The following ERCC6L2 variants were observed in gnomAD, a reference collection of about 807,000 sequenced individuals.
The protein encoded by ERCC6L2 is ERCC excision repair 6 like 2, also known as DNA excision repair protein ERCC-6-like 2.
Under a neutral mutation model 132.0 loss-of-function variants are expected in ERCC6L2, and 77 were observed. The observed-to-expected ratio is 0.58, with a 90% CI of 0.49 to 0.71. The LOEUF is 0.71. ERCC6L2 is among the 30% of genes least tolerant of loss of function. ERCC6L2 has a pLI of 0.00. For synonymous variants in ERCC6L2, 583 were observed against 632.4 expected, an observed-to-expected ratio of 0.92 and a Z score of 1.17; for missense variants, 1,542 against 1,837.6, an observed-to-expected ratio of 0.84 and a Z score of 2.94.
rs1834099533 is a variant in ERCC6L2 at position 96,013,280 on chromosome 9, A to G, written c.*77A>G. The G allele has an allele frequency of 3.4e-6, 4 of 1,168,274 alleles. No individual in the cohort carries two copies. The highest frequency in any genetic ancestry group is 3.2e-4 in the Middle Eastern group (1 of 3,080). 72.4% of individuals were successfully genotyped at this position (1,168,274 alleles called of 1,614,324 possible). A position where few individuals can be genotyped will look rare whatever the true frequency, so the allele number is the denominator to read the frequency against. ...CACTGGATTCCACACTGATTCTATT[A>G]TCTTGAACACAGTTGTTGACATATA... On this transcript the variant is annotated 3_prime_UTR_variant, in exon 19 of 19. Coordinates refer to ENST00000653738, the MANE Select transcript of ERCC6L2 (RefSeq NM_020207.7).
chr9:95,914,846 G>A (rs1246433107), intron 4 of ERCC6L2, among the ~76,000 whole-genome samples: 1 of 151,910 alleles, frequency 6.6e-6, no homozygotes, highest in East Asian at 1.9e-4. Flanking sequence ...TAAGAAATAC[G>A]TGCCTAATCC....
intron 16 of ERCC6L2, among the ~76,000 whole-genome samples, chr9:95,973,517 A>G (rs895593774): frequency 1.3e-5 from 2 of 152,158 alleles, no homozygotes; most frequent in African/African-American, 4.8e-5. Context: ...CCTCACAATC[A>G]TGGCGGAAGG....
chr9:96,015,026 T>G lies in ERCC6L2; in HGVS notation c.*1823T>G, dbSNP rs1461895138. Among the ~76,000 whole-genome samples the G allele has an allele frequency of 5.5e-5, 7 of 128,438 alleles. No individual in the cohort carries two copies. In the East Asian group the frequency reaches 1.1e-3, roughly 20 times the overall value. 84.3% of individuals were successfully genotyped at this position (128,438 alleles called of 152,430 possible). On this transcript the variant is annotated 3_prime_UTR_variant, in exon 19 of 19. Coordinates refer to ENST00000653738, the MANE Select transcript of ERCC6L2 (RefSeq NM_020207.7). ...TTCATATATGTACAGTTTTTTTTTTTTTTTTTTTTTTTTTGAGATTGAGTC... is the reference window on the plus strand; with the variant it reads ...TTCATATATGTACAGTTTTTTTTTTGTTTTTTTTTTTTTTGAGATTGAGTC...
chr9:95,950,958 G>A (rs1831303126), intron 12 of ERCC6L2, among the ~76,000 whole-genome samples: 1 of 152,140 alleles, frequency 6.6e-6, no homozygotes, highest in East Asian at 1.9e-4. Flanking sequence ...GATTTGAACA[G>A]CAATATAGAC....
At chr9:95,970,751 TAAAAA>T (rs113625132) in intron 15 of ERCC6L2, 95 bp downstream of exon 15, 1 of 715,670 alleles carries the variant, frequency 1.4e-6, no homozygotes, top group Non-Finnish European at 1.9e-6. Context: ...TTATAACCTG[TAAAAA>T]AAAAAATTAA....
At chr9:96,007,453 C>T (rs1833897603) in intron 18 of ERCC6L2, among the ~76,000 whole-genome samples, 1 of 152,126 alleles carries the variant, frequency 6.6e-6, no homozygotes, top group South Asian at 2.1e-4. Flanking sequence ...AGTTTAGCTG[C>T]TAGCAGGAAG....
intron 12 of ERCC6L2, among the ~76,000 whole-genome samples, chr9:95,945,258 G>C (rs980917512): frequency 1.3e-5 from 2 of 152,194 alleles, no homozygotes; most frequent in Admixed American, 1.3e-4. Flanking sequence ...TCTCCCATTT[G>C]CTTTTGAAAG....
intron 2 of ERCC6L2, among the ~76,000 whole-genome samples, chr9:95,882,308 AAGG>A (rs1827638048): frequency 6.6e-6 from 1 of 152,212 alleles, no homozygotes; most frequent in Non-Finnish European, 1.5e-5. Flanking sequence ...AACTCAAGGG[AAGG>A]AGATTAAACA....
intron 16 of ERCC6L2, among the ~76,000 whole-genome samples, chr9:95,976,962 C>A (rs559245157): frequency 2.0e-5 from 3 of 152,052 alleles, no homozygotes; most frequent in Non-Finnish European, 4.4e-5. Flanking sequence ...TGATTTATAT[C>A]TTGGTGTCAT....
intron 6 of ERCC6L2, chr9:95,918,505 CA>C: frequency 2.0e-6 from 1 of 500,808 alleles, no homozygotes; most frequent in South Asian, 1.5e-5. Flanking sequence ...AGTAAAGTTA[CA>C]ACATACCTAC....
chr9:95,933,860 AAAAAG>A (rs1468557503), intron 11 of ERCC6L2, among the ~76,000 whole-genome samples: 2 of 152,184 alleles, frequency 1.3e-5, no homozygotes, highest in Admixed American at 6.5e-5. Flanking sequence ...AAAAAAAAAA[AAAAAG>A]AAGTCTTGAG....
chr9:95,953,299 G>A (rs568670481), intron 12 of ERCC6L2, among the ~76,000 whole-genome samples: 4 of 152,258 alleles, frequency 2.6e-5, no homozygotes, highest in East Asian at 1.9e-4. Flanking sequence ...CAATGAGGCC[G>A]GTTGTGGTGG....
chr9:96,003,848 T>G lies in ERCC6L2; in HGVS notation c.3493-672T>G, dbSNP rs148928795. ...CTCTTTTTGGAATAGGATGAGGACT[T>G]TCTACCTATTCATACTGTATCATCT... On this transcript the variant is annotated intron_variant, in intron 17 of 18. Transcript: ENST00000653738. Among the ~76,000 whole-genome samples the G allele has an allele frequency of 2.6e-5, 4 of 152,370 alleles. No homozygotes were observed. The East Asian group carries it at 7.7e-4, about 29-fold the overall frequency.
rs144003060 is a variant in ERCC6L2 at position 95,995,330 on chromosome 9, C to G, written c.3493-9190C>G. Among the ~76,000 whole-genome samples, 165 of 152,216 alleles carry G rather than the reference C, an allele frequency of 1.1e-3. 1 individual carries two copies. Among genetic ancestry groups the G allele is most frequent in the African/African-American group, 3.8e-3 (157 of 41,528 alleles). ...TTTGGTTCAAAAGAAAAAGTATTAT[C>G]AAAGTTCATTTGAATGTTTCATACT... On this transcript the variant is annotated intron_variant, in intron 17 of 18. Transcript: ENST00000653738.
chr9:95,967,609 G>A (rs1285636536), intron 14 of ERCC6L2: 3 of 152,134 alleles, frequency 2.0e-5, no homozygotes, highest in Non-Finnish European at 4.4e-5. Context: ...GACCATGGAT[G>A]GCTGGGGGAG....
At chr9:95,987,679 G>T (rs1046099608) in intron 17 of ERCC6L2, among the ~76,000 whole-genome samples, 1 of 152,172 alleles carries the variant, frequency 6.6e-6, no homozygotes, top group African/African-American at 2.4e-5. Flanking sequence ...CACAATGCAT[G>T]CTCTCAGTGG....
At chr9:96,037,263 G>C (rs991627358) in intron 19 of ERCC6L2, among the ~76,000 whole-genome samples, 8 of 152,208 alleles carry the variant, frequency 5.3e-5, no homozygotes, top group Non-Finnish European at 1.5e-5. Context: ...AGCAGTCGGA[G>C]CTGCTATTGT....
chr9:95,924,580 C>T (rs1830022381), intron 9 of ERCC6L2, among the ~76,000 whole-genome samples: 1 of 152,050 alleles, frequency 6.6e-6, no homozygotes, highest in South Asian at 2.1e-4. Context: ...CTGAAAACTG[C>T]ATTAGTCATT....
chr9:95,930,206 T>C (rs1190880004), intron 11 of ERCC6L2, among the ~76,000 whole-genome samples: 3 of 152,088 alleles, frequency 2.0e-5, no homozygotes, highest in Non-Finnish European at 2.9e-5. Flanking sequence ...TGGAAATCCT[T>C]TGGAGACCGG....
Sources: allele counts gnomAD v4.1 joint callset (sites outside exome capture counted in the v4.1 genomes callset), GRCh38; gene constraint gnomAD v4.1.1; transcripts MANE v1.5; gene names NCBI Gene and HGNC (gene_info 2026-07-23, HGNC 2026-07-21).